TNFRSF21: variants seen among roughly 807,000 people sequenced by gnomAD.
TNFRSF21 encodes the protein tumor necrosis factor receptor superfamily member 21.
A neutral mutation model predicts 45.6 loss-of-function variants in TNFRSF21; 19 were observed. The ratio of observed to expected loss-of-function variants is 0.42; its 90% CI spans 0.29 to 0.61. The LOEUF (loss-of-function observed/expected upper bound fraction) is 0.61, where lower values mean the gene tolerates loss of function less well. TNFRSF21 is among the 20% of genes least tolerant of loss of function. TNFRSF21 has a pLI of 0.23. For synonymous variants in TNFRSF21, 314 were observed against 335.5 expected (o/e 0.94, Z 0.70); for missense variants, 737 against 851.5 (o/e 0.87, Z 1.67).
At chr6:47,261,604 G>T (rs1230508685) in intron 3 of TNFRSF21, among the ~76,000 whole-genome samples, 1 of 152,192 alleles carries the variant, frequency 6.6e-6, no homozygotes. Context: ...CTCACCACTG[G>T]GTGAAACCTG....
chr6:47,234,388 C>A (rs376926386), intron 5 of TNFRSF21, among the ~76,000 whole-genome samples: 1 of 152,212 alleles, frequency 6.6e-6, no homozygotes, highest in Non-Finnish European at 1.5e-5. Context: ...ATCAGGCCTT[C>A]CCCGAAACAC....
At chr6:47,291,096 C>G (rs1202932656) in intron 1 of TNFRSF21, among the ~76,000 whole-genome samples, 1 of 152,152 alleles carries the variant, frequency 6.6e-6, no homozygotes, top group Non-Finnish European at 1.5e-5. Context: ...GATGGAGAGG[C>G]AGAAATTAAC....
intron 4 of TNFRSF21, among the ~76,000 whole-genome samples, chr6:47,240,726 G>A (rs573021702): frequency 6.6e-6 from 1 of 152,196 alleles, no homozygotes; most frequent in South Asian, 2.1e-4. Context: ...CAAGTACCTG[G>A]GACTCAATGG....
intron 3 of TNFRSF21, among the ~76,000 whole-genome samples, chr6:47,268,333 T>C (rs1164472269): frequency 2.0e-5 from 3 of 152,170 alleles, no homozygotes; most frequent in Non-Finnish European, 4.4e-5. Flanking sequence ...ACAGGAAGTA[T>C]TACTTCTCTC....
intron 1 of TNFRSF21, among the ~76,000 whole-genome samples, chr6:47,297,729 A>C (rs1762811156): frequency 6.6e-6 from 1 of 151,750 alleles, no homozygotes. Context: ...CACCATATTG[A>C]CCAGGCTGGT....
At chr6:47,249,676 T>C (rs911935968) in intron 4 of TNFRSF21, among the ~76,000 whole-genome samples, 5 of 152,164 alleles carry the variant, frequency 3.3e-5, no homozygotes, top group African/African-American at 4.8e-5. Context: ...GTATTAAAAG[T>C]GTAACATTAA....
chr6:47,292,792 T>C (rs961667884), intron 1 of TNFRSF21, among the ~76,000 whole-genome samples: 3 of 152,222 alleles, frequency 2.0e-5, no homozygotes, highest in Non-Finnish European at 4.4e-5. Context: ...TGCACATCTT[T>C]CCAGACCCTT....
At chr6:47,243,327 C>T (rs1430175819) in intron 4 of TNFRSF21, among the ~76,000 whole-genome samples, 1 of 152,092 alleles carries the variant, frequency 6.6e-6, no homozygotes, top group East Asian at 1.9e-4. Flanking sequence ...CTCCACCCCC[C>T]TTATTTTTTA....
intron 3 of TNFRSF21, among the ~76,000 whole-genome samples, chr6:47,283,198 A>G (rs1762594124): frequency 6.6e-6 from 1 of 152,196 alleles, no homozygotes; most frequent in Non-Finnish European, 1.5e-5. Context: ...TCTTCAGATC[A>G]AACTTAGCTC....
intron 3 of TNFRSF21, among the ~76,000 whole-genome samples, chr6:47,283,282 C>T (rs888807308): frequency 8.5e-5 from 13 of 152,316 alleles, no homozygotes; most frequent in Non-Finnish European, 1.8e-4. Context: ...GTATTCAACA[C>T]ATGCTGACTA....
intron 1 of TNFRSF21, among the ~76,000 whole-genome samples, chr6:47,299,985 C>T (rs925012934): frequency 6.6e-6 from 1 of 152,166 alleles, no homozygotes; most frequent in Non-Finnish European, 1.5e-5. Context: ...CTTGGGGAAA[C>T]AACCAAAAAG....
chr6:47,234,644 T>G, intron 5 of TNFRSF21, 26 bp downstream of exon 5: 2 of 1,570,348 alleles, frequency 1.3e-6, no homozygotes, highest in Non-Finnish European at 1.7e-6. Flanking sequence ...TAAGTGCGTG[T>G]GTGAGGTCTG....
chr6:47,291,623 T>C (rs898727247), intron 1 of TNFRSF21, among the ~76,000 whole-genome samples: 6 of 152,218 alleles, frequency 3.9e-5, no homozygotes, highest in African/African-American at 1.4e-4. Context: ...AGGATGCTCC[T>C]TGGACCAGGG....
intron 3 of TNFRSF21, among the ~76,000 whole-genome samples, chr6:47,281,819 A>G (rs897786170): frequency 6.6e-6 from 1 of 151,750 alleles, no homozygotes; most frequent in Non-Finnish European, 1.5e-5. Context: ...GGAATTATGT[A>G]CAAATAAAAA....
chr6:47,249,949 AAAAT>A (rs1017176124), intron 4 of TNFRSF21, among the ~76,000 whole-genome samples: 38 of 152,300 alleles, frequency 2.5e-4, no homozygotes, highest in African/African-American at 8.4e-4. Context: ...GAGAGAGAAA[AAAAT>A]AAAAAAAGAC....
intron 3 of TNFRSF21, among the ~76,000 whole-genome samples, chr6:47,278,868 C>G (rs1762531721): frequency 6.6e-6 from 1 of 152,212 alleles, no homozygotes; most frequent in African/African-American, 2.4e-5. Flanking sequence ...CTATCTATGG[C>G]ATGTGCCTCA....
At chr6:47,304,461 C>T (rs1207751072) in intron 1 of TNFRSF21, among the ~76,000 whole-genome samples, 1 of 152,120 alleles carries the variant, frequency 6.6e-6, no homozygotes, top group Non-Finnish European at 1.5e-5. Context: ...GTGATGTCTC[C>T]ACATTCTGGT....
At chr6:47,249,439 AATTT>A (rs1478350328) in intron 4 of TNFRSF21, among the ~76,000 whole-genome samples, 5 of 152,214 alleles carry the variant, frequency 3.3e-5, no homozygotes, top group African/African-American at 1.2e-4. Context: ...GAAATAATGC[AATTT>A]ATTTATTTAT....
chr6:47,297,931 G>A (rs936533017), intron 1 of TNFRSF21, among the ~76,000 whole-genome samples: 5 of 151,924 alleles, frequency 3.3e-5, no homozygotes, highest in African/African-American at 2.4e-5. Flanking sequence ...AAACCATCCC[G>A]GACTTAGAGC....
Sources: gnomAD v4.1 joint callset for allele counts (sites outside exome capture counted in the v4.1 genomes callset) on GRCh38, gnomAD v4.1.1 for gene constraint, MANE v1.5 for transcripts, NCBI Gene and HGNC (gene_info 2026-07-23, HGNC 2026-07-21) for gene names.